The following RFTN1 variants were observed in gnomAD, a reference collection of about 807,000 sequenced individuals.
RFTN1 encodes raftlin, lipid raft linker 1.
In RFTN1, 26 loss-of-function variants were observed where a neutral mutation model predicts 46.5. The ratio of observed to expected loss-of-function variants is 0.56; its 90% confidence interval spans 0.41 to 0.78. The LOEUF (loss-of-function observed/expected upper bound fraction) is 0.78, where lower values mean the gene tolerates loss of function less well. RFTN1 is among the 30% of genes least tolerant of loss of function. The pLI is 0.00. For synonymous variants in RFTN1, 261 were observed against 284.2 expected (o/e 0.92, Z 0.82); for missense variants, 693 against 718.7 (o/e 0.96, Z 0.41).
Position 16,319,627 on chromosome 3 carries a change from G to T in RFTN1, c.1333-2395C>A, listed in dbSNP as rs140629340. Among the ~76,000 whole-genome samples, 442 of 152,290 alleles carry T rather than the reference G, an allele frequency of 2.9e-3. 4 individuals carry two copies. The highest frequency in any genetic ancestry group is 0.01 in the African/African-American group (433 of 41,574). On this transcript the variant is annotated intron_variant, in intron 9 of 9. Coordinates refer to ENST00000334133, the MANE Select transcript of RFTN1 (RefSeq NM_015150.2). ...GGGGCTGCTCTTGCTAAATAACAGA[G>T]CTTCCATAGTTTCCCCTGGATGCCT...
intron 1 of RFTN1, among the ~76,000 whole-genome samples, chr3:16,505,044 C>A (rs59196358): frequency 0.018 from 2,756 of 152,310 alleles, 88 homozygotes; most frequent in African/African-American, 0.062. Flanking sequence ...CCACTTTATT[C>A]TCCAAACCAA....
intron 2 of RFTN1, chr3:16,454,676 A>C: frequency 2.3e-5 from 17 of 744,660 alleles, no homozygotes; most frequent in East Asian, 1.3e-4. Context: ...CTAACTGCTT[A>C]GAGAATTCCT....
At chr3:16,343,163 C>G (rs2071422546) in intron 7 of RFTN1, among the ~76,000 whole-genome samples, 2 of 152,134 alleles carry the variant, frequency 1.3e-5, no homozygotes, top group South Asian at 4.2e-4. Context: ...TTAATAAGTC[C>G]TCAGGTGATT....
chr3:16,462,810 G>A (rs1054176175), intron 2 of RFTN1, among the ~76,000 whole-genome samples: 9 of 152,212 alleles, frequency 5.9e-5, no homozygotes, highest in African/African-American at 1.7e-4. Flanking sequence ...TGCAGGTCTC[G>A]TTTGACCTTT....
chr3:16,465,445 CACACACACA>C lies in RFTN1; in HGVS notation c.145+28271_145+28279del. On this transcript the variant is annotated intron_variant, in intron 2 of 9. Coordinates refer to ENST00000334133, the MANE Select transcript of RFTN1 (RefSeq NM_015150.2). This position sits in a 1 kb window ranked among gnomAD's most constrained non-coding sequence, Gnocchi z 5.1. ...ACACACACACACACACACACACACACACACACACACCCCATGCCTGATTAAACAAAATAA... is the reference window on the plus strand; with the variant it reads ...ACACACACACACACACACACACACACCCCCATGCCTGATTAAACAAAATAA... Among the ~76,000 whole-genome samples, 1 of 151,622 alleles carries C rather than the reference CACACACACA, an allele frequency of 6.6e-6. No homozygotes were observed. The highest frequency in any genetic ancestry group is 1.5e-5 in the Non-Finnish European group (1 of 67,996).
At chr3:16,347,265 C>T (rs115704127) in intron 7 of RFTN1, among the ~76,000 whole-genome samples, 4,560 of 152,318 alleles carry the variant, frequency 0.03, 100 homozygotes, top group Middle Eastern at 0.082. Context: ...CAGGGCAACC[C>T]TGGAGAGACG....
Position 16,317,814 on chromosome 3 carries a change from C to T in RFTN1, c.1333-582G>A, listed in dbSNP as rs1372528117. On this transcript the variant is annotated intron_variant, in intron 9 of 9. Coordinates refer to ENST00000334133, the MANE Select transcript of RFTN1 (RefSeq NM_015150.2). This position sits in a 1 kb window ranked among gnomAD's most constrained non-coding sequence, Gnocchi z 4.3. Reference sequence around the variant, plus strand: ...CCACCACCTCACAGAAGGGTCACACCAGGGCAACCTACAACCAATGACTGC... The same window carrying T: ...CCACCACCTCACAGAAGGGTCACACTAGGGCAACCTACAACCAATGACTGC... 6.9e-6 allele frequency among the ~76,000 whole-genome samples: 1 copy of T among 144,212 alleles called. No homozygotes were observed. Among genetic ancestry groups the T allele is most frequent in the African/African-American group, 2.9e-5 (1 of 35,008 alleles). 94.6% of individuals were successfully genotyped at this position (144,212 alleles called of 152,430 possible).
chr3:16,392,680 CAT>C (rs56680725), intron 4 of RFTN1, among the ~76,000 whole-genome samples: 78,002 of 150,032 alleles, frequency 0.52, 21,936 homozygotes, highest in African/African-American at 0.75. Flanking sequence ...CACACACACA[CAT>C]ATATATATAT....
At chr3:16,423,051 C>T (rs1473065053) in intron 3 of RFTN1, among the ~76,000 whole-genome samples, 1 of 151,976 alleles carries the variant, frequency 6.6e-6, no homozygotes, top group Non-Finnish European at 1.5e-5. Flanking sequence ...GCCTGTAGTC[C>T]CAGCTCCTTG....
intron 4 of RFTN1, among the ~76,000 whole-genome samples, chr3:16,392,633 TATAC>T (rs1340901990): frequency 6.7e-6 from 1 of 149,402 alleles, no homozygotes; most frequent in East Asian, 1.9e-4. Flanking sequence ...ATATATTACT[TATAC>T]ATACATAAAA....
chr3:16,318,426 A>C (rs889273796), intron 9 of RFTN1, among the ~76,000 whole-genome samples: 2 of 152,186 alleles, frequency 1.3e-5, no homozygotes, highest in Non-Finnish European at 2.9e-5. Flanking sequence ...TTGCACCATC[A>C]GTGGGAAATG....
chr3:16,510,656 C>T (rs911366422), intron 1 of RFTN1, among the ~76,000 whole-genome samples: 8 of 152,172 alleles, frequency 5.3e-5, no homozygotes, highest in African/African-American at 1.9e-4. Flanking sequence ...GAATCTCATA[C>T]TTGTATTCTT....
In RFTN1 at chr3:16,317,187, T is replaced by C. The variant is rs1350556748; in HGVS notation, c.1378A>G (p.Arg460Gly). 1 of 1,613,470 alleles carries C rather than the reference T, an allele frequency of 6.2e-7. No homozygotes were observed. Among genetic ancestry groups the C allele is most frequent in the Non-Finnish European group, 8.5e-7 (1 of 1,179,970 alleles). ...GCACTGAGTTTACCTTTTGATTTCC[T>C]CATCTGCCTGTTGTGCATTTCTTCT... is the stretch of plus-strand genomic sequence containing the variant. ...SREEMHNRQM[R>G]KSKGKLSARD... Residue 460 changes from arginine (R) to glycine (G), a missense_variant, in exon 10 of 10, where the codon AGG (arginine) becomes GGG (glycine). Transcript: ENST00000334133. The surrounding 1 kb of genome is among the most constrained non-coding windows in gnomAD (Gnocchi z 4.3).
At chr3:16,325,072 T>C (rs2069561297) in intron 8 of RFTN1, among the ~76,000 whole-genome samples, 1 of 152,234 alleles carries the variant, frequency 6.6e-6, no homozygotes, top group Non-Finnish European at 1.5e-5. Flanking sequence ...TTTCTTTACA[T>C]GTTACTGCAT....
rs202032095 is a variant in RFTN1, at chr3:16,398,244, C to CAAAAAAAAAAAAAAAAAAAAA, written c.441+11110_441+11130dup. ...CCTGGGTGACAGAGAAAGACTGTCT[C>CAAAAAAAAAAAAAAAAAAAAA]AAAAAAAAAAAAAAAAAAAAAAAAA... On this transcript the variant is annotated intron_variant, in intron 4 of 9. Coordinates refer to ENST00000334133, the MANE Select transcript of RFTN1 (RefSeq NM_015150.2). Among the ~76,000 whole-genome samples, 16 of 110,936 alleles carry CAAAAAAAAAAAAAAAAAAAAA rather than the reference C, an allele frequency of 1.4e-4. 1 individual carries two copies. The highest frequency in any genetic ancestry group is 4.3e-4 in the African/African-American group (15 of 35,270). 72.8% of individuals were successfully genotyped at this position (110,936 alleles called of 152,430 possible).
At chr3:16,339,655 T>G (rs2071178510) in intron 7 of RFTN1, 1 of 152,200 alleles carries the variant, frequency 6.6e-6, no homozygotes, top group African/African-American at 2.4e-5. Context: ...CAATCCTATT[T>G]GGGGTCCTCT....
At position 16,504,148 on chromosome 3, in the gene RFTN1, G is replaced by C. The variant is rs1454776062; in HGVS notation, c.-9+9294C>G. On this transcript the variant is annotated intron_variant, in intron 1 of 9. Coordinates refer to ENST00000334133, the MANE Select transcript of RFTN1 (RefSeq NM_015150.2). This position sits in a 1 kb window ranked among gnomAD's most constrained non-coding sequence, Gnocchi z 4.4. ...TAGACTAAAAAAAAAATACCCAATA[G>C]TTCGTTTTATTAAGTAGTTAGGTCC... Among the ~76,000 whole-genome samples, 1 of 152,034 alleles carries C rather than the reference G, an allele frequency of 6.6e-6. No individual in the cohort carries two copies. The highest frequency in any genetic ancestry group is 6.5e-5 in the Admixed American group (1 of 15,272).
intron 7 of RFTN1, among the ~76,000 whole-genome samples, chr3:16,328,603 G>A (rs777504567): frequency 1.6e-4 from 24 of 152,186 alleles, no homozygotes; most frequent in Middle Eastern, 3.2e-3. Context: ...GGTCTATGTC[G>A]GTTCCCAAAG....
intron 7 of RFTN1, 141 bp downstream of exon 7, chr3:16,357,791 G>A (rs779657310): frequency 2.2e-5 from 12 of 551,732 alleles, no homozygotes; most frequent in Non-Finnish European, 3.5e-5. Flanking sequence ...AAGACTAAGG[G>A]GATCCTTCTA....
Sources: allele counts gnomAD v4.1 joint callset (sites outside exome capture counted in the v4.1 genomes callset), GRCh38; gene constraint gnomAD v4.1.1; non-coding constraint Gnocchi (gnomAD v3.1); transcripts MANE v1.5; gene names NCBI Gene and HGNC (gene_info 2026-07-23, HGNC 2026-07-21).